The following RASGRP1 variants were observed in gnomAD, a reference collection of about 807,000 sequenced individuals.
RASGRP1 encodes the protein RAS guanyl-releasing protein 1.
In RASGRP1, 37 loss-of-function variants were observed where a neutral mutation model predicts 95.1. The ratio of observed to expected loss-of-function variants is 0.39; its 90% CI spans 0.30 to 0.51. The LOEUF (loss-of-function observed/expected upper bound fraction) is 0.51. Among genes scored for constraint, RASGRP1 ranks in the 20% least tolerant of loss-of-function variants. The probability of loss-of-function intolerance (pLI) is 0.80; values close to 1 mark genes in which losing one functional copy is unlikely to be tolerated. For missense variants in RASGRP1, 711 were observed against 965.4 expected, an observed-to-expected ratio of 0.74 and a Z score of 3.49; for synonymous variants, 325 against 353.4, an observed-to-expected ratio of 0.92 and a Z score of 0.90.
intron 1 of RASGRP1, among the ~76,000 whole-genome samples, chr15:38,561,768 T>C (rs1414966639): frequency 6.6e-6 from 1 of 152,228 alleles, no homozygotes. Context: ...GGGCATCTGC[T>C]AACCCTAGGC....
At chr15:38,548,050 C>A (rs117598020) in intron 2 of RASGRP1, among the ~76,000 whole-genome samples, 120 of 150,794 alleles carry the variant, frequency 8.0e-4, no homozygotes, top group Non-Finnish European at 1.1e-3. Flanking sequence ...TGCGCTGTGA[C>A]ACGAGATGTC....
chr15:38,541,601 CAT>C (rs570556057), intron 2 of RASGRP1, among the ~76,000 whole-genome samples: 1 of 151,572 alleles, frequency 6.6e-6, no homozygotes, highest in Admixed American at 6.6e-5. Flanking sequence ...TTTATTCATT[CAT>C]ATATATATAT....
At chr15:38,558,410 C>T (rs183417363) in intron 2 of RASGRP1, among the ~76,000 whole-genome samples, 7 of 152,220 alleles carry the variant, frequency 4.6e-5, no homozygotes, top group Non-Finnish European at 8.8e-5. Flanking sequence ...AAAGAGAAAT[C>T]TAATGAAAAT....
intron 7 of RASGRP1, 41 bp from the exon 8 acceptor site, chr15:38,511,761 T>C (rs562662430): frequency 4.7e-6 from 7 of 1,497,124 alleles, no homozygotes; most frequent in African/African-American, 4.1e-5. Context: ...TCACTGTACA[T>C]GTCAGTTATA....
Position 38,494,542 on chromosome 15 carries a change from T to G in RASGRP1, c.2099A>C (p.Gln700Pro). Reference sequence around the variant, plus strand: ...ACTGGGAAGCACATATAGAGTATCCTGGGCTGTCTTCCTTGGGGAAGACAG... The same window carrying G: ...ACTGGGAAGCACATATAGAGTATCCGGGGCTGTCTTCCTTGGGGAAGACAG... ...FVLSSPRKTAQDTLYVLPSPT... is the reference protein window; with the variant it reads ...FVLSSPRKTAPDTLYVLPSPT... The change falls in exon 16 of 17, where the codon CAG (glutamine) becomes CCG (proline). Residue 700 changes from glutamine (Q) to proline (P), a missense_variant. By Grantham distance (76) the Gln-to-Pro change is moderately conservative (BLOSUM62 -1). Transcript: ENST00000310803. The G allele has an allele frequency of 6.3e-7, 1 of 1,587,708 alleles. No homozygotes were observed. The highest frequency in any genetic ancestry group is 1.1e-5 in the South Asian group (1 of 87,460).
chr15:38,507,299 G>C (rs1891298244), intron 9 of RASGRP1, among the ~76,000 whole-genome samples: 1 of 152,042 alleles, frequency 6.6e-6, no homozygotes, highest in Admixed American at 6.6e-5. Context: ...ATCTAAGCCA[G>C]GAACCAAATA....
chr15:38,559,769 C>T lies in RASGRP1; in HGVS notation c.220+52G>A, dbSNP rs754482334. 2.3e-5 allele frequency: 35 copies of T among 1,537,070 alleles called. No homozygotes were observed. In the Admixed American group the frequency reaches 3.3e-4, roughly 15 times the overall value. On this transcript the variant is annotated intron_variant, in intron 2 of 16. Coordinates refer to ENST00000310803, the MANE Select transcript of RASGRP1 (RefSeq NM_005739.4). ...TGTTCCGTAAAGCACTTTTAAAGGACGAACAAAGTAATAGAGTGATTTTTA... is the reference window on the plus strand; with the variant it reads ...TGTTCCGTAAAGCACTTTTAAAGGATGAACAAAGTAATAGAGTGATTTTTA...
intron 2 of RASGRP1, among the ~76,000 whole-genome samples, chr15:38,533,667 CT>C (rs1412580027): frequency 2.6e-5 from 4 of 152,188 alleles, no homozygotes; most frequent in Non-Finnish European, 5.9e-5. Context: ...ACTTTGGTCT[CT>C]GTTAGTCCCC....
At position 38,502,393 on chromosome 15, in the gene RASGRP1, T is replaced by C. The variant is rs1235114092; in HGVS notation, c.1457A>G (p.Gln486Arg). 1 of 1,604,036 alleles carries C rather than the reference T, an allele frequency of 6.2e-7. No individual in the cohort carries two copies. Among genetic ancestry groups the C allele is most frequent in the Non-Finnish European group, 8.5e-7 (1 of 1,171,058 alleles). Residue 486 changes from glutamine to arginine, a missense_variant, in exon 12 of 17, where the codon CAG (glutamine) becomes CGG (arginine). By Grantham distance (43) the Gln-to-Arg change is conservative (BLOSUM62 1). Coordinates refer to ENST00000310803, the MANE Select transcript of RASGRP1 (RefSeq NM_005739.4). ...DSVFKNYDHDQDGYISQEEFE... is the reference protein window; with the variant it reads ...DSVFKNYDHDRDGYISQEEFE... ...TTCTTCCTGAGAAATGTATCCATCC[T>C]GGTCGTGATCATAGTTCTTGAAGAC...
rs142552943 is a variant in RASGRP1 at position 38,526,086 on chromosome 15, C to T, written c.326+213G>A. Among the ~76,000 whole-genome samples the T allele has an allele frequency of 1.0e-3, 159 of 152,216 alleles. 3 individuals carry two copies. In the South Asian group the frequency reaches 0.016, roughly 15 times the overall value. ...CATATTGATTTCTTTGACCACCCCC[C>T]AGAGCAATCAGCATCAATAACATTG... On this transcript the variant is annotated intron_variant, in intron 3 of 16. Transcript: ENST00000310803.
intron 14 of RASGRP1, 161 bp from the exon 15 acceptor site, chr15:38,499,107 C>G: frequency 1.0e-6 from 1 of 975,870 alleles, no homozygotes; most frequent in Non-Finnish European, 1.6e-6. Context: ...ATTCTTCTCA[C>G]TTGGTGAAGC....
intron 14 of RASGRP1, among the ~76,000 whole-genome samples, chr15:38,499,426 A>G (rs921504936): frequency 6.6e-6 from 1 of 152,098 alleles, no homozygotes; most frequent in African/African-American, 2.4e-5. Context: ...TATCTTTTTC[A>G]CTGGGGACCC....
chr15:38,513,924 G>A (rs1489725264), intron 6 of RASGRP1, among the ~76,000 whole-genome samples: 2 of 152,218 alleles, frequency 1.3e-5, no homozygotes. Flanking sequence ...AGGCAAAGAT[G>A]TAAGAGCCAG....
intron 2 of RASGRP1, among the ~76,000 whole-genome samples, chr15:38,526,847 T>C (rs1372386926): frequency 6.6e-6 from 1 of 152,152 alleles, no homozygotes; most frequent in Non-Finnish European, 1.5e-5. Context: ...CAAATGACCA[T>C]ATGAATACAT....
chr15:38,553,925 T>C (rs1316790912), intron 2 of RASGRP1, among the ~76,000 whole-genome samples: 1 of 152,212 alleles, frequency 6.6e-6, no homozygotes, highest in African/African-American at 2.4e-5. Flanking sequence ...TGGAGATTTG[T>C]GCCCTTCAGG....
chr15:38,552,271 A>G (rs1893369950), intron 2 of RASGRP1, among the ~76,000 whole-genome samples: 1 of 152,216 alleles, frequency 6.6e-6, no homozygotes, highest in African/African-American at 2.4e-5. Flanking sequence ...TAAGATACAT[A>G]GATGAAAGCA....
chr15:38,489,430 C>G lies in RASGRP1; in HGVS notation c.*1124G>C, dbSNP rs1450917257. 1 of 152,260 alleles carries G rather than the reference C, an allele frequency of 6.6e-6. No homozygotes were observed. Among genetic ancestry groups the G allele is most frequent in the Non-Finnish European group, 1.5e-5 (1 of 67,922 alleles). The allele number at this position is 152,260 out of a possible 1,614,324, so 9.4% of individuals were successfully genotyped here. ...GTGAGCAATTTAATCTTGTGACAAA[C>G]TGAACTTTATATTTGTGACTTTGTA... On this transcript the variant is annotated 3_prime_UTR_variant, in exon 17 of 17. Transcript: ENST00000310803.
chr15:38,507,479 T>C (rs1411934274), intron 9 of RASGRP1, among the ~76,000 whole-genome samples: 6 of 152,176 alleles, frequency 3.9e-5, no homozygotes, highest in Non-Finnish European at 8.8e-5. Flanking sequence ...CCTAGAAGTC[T>C]GAAGGGCACA....
chr15:38,554,951 G>A (rs774096243), intron 2 of RASGRP1, among the ~76,000 whole-genome samples: 2 of 152,186 alleles, frequency 1.3e-5, no homozygotes, highest in Non-Finnish European at 2.9e-5. Flanking sequence ...TTGTTCCTTG[G>A]TGTTGCCTGT....
Sources: gnomAD v4.1 joint callset for allele counts (sites outside exome capture counted in the v4.1 genomes callset) on GRCh38, gnomAD v4.1.1 for gene constraint, MANE v1.5 for transcripts, NCBI Gene and HGNC (gene_info 2026-07-23, HGNC 2026-07-21) for gene names.